LRP2: variants seen among roughly 807,000 people sequenced by gnomAD.
LRP2 encodes the protein LDL receptor related protein 2, also known as low-density lipoprotein receptor-related protein 2.
Under a neutral mutation model 531.0 loss-of-function variants are expected in LRP2, and 172 were observed. That is an observed-to-expected ratio of 0.32 (90% CI 0.29 to 0.37). The LOEUF (loss-of-function observed/expected upper bound fraction) is 0.37. Among genes scored for constraint, LRP2 ranks in the 10% least tolerant of loss-of-function variants. The pLI, the probability that LRP2 is intolerant of heterozygous loss-of-function variation, is 1.00. For missense variants in LRP2, 5,167 were observed against 5,868.3 expected, an observed-to-expected ratio of 0.88 and a Z score of 3.90; for synonymous variants, 1,992 against 2,027.6, an observed-to-expected ratio of 0.98 and a Z score of 0.47.
In LRP2 at chr2:169,289,042, G is replaced by A. The variant is rs1304209402; in HGVS notation, c.1026C>T (p.Asp342=). The part of the protein sequence containing the change: ...CPPGYIINHN[D]SRTCVEFDDC... The stretch of plus-strand genomic sequence containing the variant: ...ATCACTTACCAACACAGGTACGGCT[G>A]TCATTGTGGTTGATGATATAACCTG... Residue 342 remains aspartate, a synonymous_variant, in exon 9 of 79, where the codon GAC becomes GAT. Coordinates refer to ENST00000649046, the MANE Select transcript of LRP2 (RefSeq NM_004525.3). The A allele has an allele frequency of 1.9e-6, 3 of 1,614,052 alleles. No homozygotes were observed. The highest frequency in any genetic ancestry group is 2.5e-6 in the Non-Finnish European group (3 of 1,179,956).
chr2:169,345,878 C>G (rs985107482), intron 1 of LRP2, among the ~76,000 whole-genome samples: 1 of 151,616 alleles, frequency 6.6e-6, no homozygotes, highest in African/African-American at 2.4e-5. Context: ...CAAAACAAAA[C>G]AAAACAAAAG....
chr2:169,140,532 A>G lies in LRP2; in HGVS notation c.13122T>C (p.Pro4374=). 2.5e-6 allele frequency: 4 copies of G among 1,613,592 alleles called. No individual in the cohort carries two copies. Among genetic ancestry groups the G allele is most frequent in the Non-Finnish European group, 3.4e-6 (4 of 1,179,542 alleles). The change falls in exon 72 of 79, where the codon CCT becomes CCC. Residue 4374 remains proline, a synonymous_variant. Coordinates refer to ENST00000649046, the MANE Select transcript of LRP2 (RefSeq NM_004525.3). The part of the protein sequence containing the change: ...TTECDAAIEL[P]INLPPPCRCM... Reference sequence around the variant, plus strand: ...ACCTGCATGGGGGGGGCAGGTTGATAGGCAGTTCGATGGCTGCAGGAAGGG... The same window carrying G: ...ACCTGCATGGGGGGGGCAGGTTGATGGGCAGTTCGATGGCTGCAGGAAGGG...
At chr2:169,278,113 G>A (rs192504302) in intron 12 of LRP2, among the ~76,000 whole-genome samples, 162 bp from the exon 13 acceptor site, 28 of 150,964 alleles carry the variant, frequency 1.9e-4, no homozygotes, top group Admixed American at 1.4e-3. Flanking sequence ...TTTTTAAAGA[G>A]ACTGTGGGGG....
At position 169,182,337 on chromosome 2, in the gene LRP2, G is replaced by C. The variant is rs1261729832; in HGVS notation, c.9846-18C>G. The C allele has an allele frequency of 4.3e-6, 7 of 1,612,540 alleles. No homozygotes were observed. Among genetic ancestry groups the C allele is most frequent in the Non-Finnish European group, 5.9e-6 (7 of 1,179,834 alleles). ...AGAGCTTTCTAAAATGGAGAGCCAG[G>C]AGTTAACCAATACAGTCACTTTGTG... On this transcript the variant is annotated intron_variant, in intron 50 of 78. Coordinates refer to ENST00000649046, the MANE Select transcript of LRP2 (RefSeq NM_004525.3).
chr2:169,133,514 T>A (rs956750528), intron 76 of LRP2, among the ~76,000 whole-genome samples: 1 of 152,228 alleles, frequency 6.6e-6, no homozygotes, highest in East Asian at 1.9e-4. Context: ...ACATTTCCGA[T>A]CTTAAAATCA....
intron 16 of LRP2, among the ~76,000 whole-genome samples, chr2:169,263,477 CA>C (rs1280433935): frequency 9.3e-5 from 14 of 150,296 alleles, no homozygotes; most frequent in Non-Finnish European, 1.9e-4. Flanking sequence ...TTTATGCAGC[CA>C]AAAAACACAT....
chr2:169,137,412 T>A lies in LRP2; in HGVS notation c.13600A>T (p.Lys4534Ter). The stretch of plus-strand genomic sequence containing the variant: ...CTCACCTGGATTGGCTGAACCACTT[T>A]GACAGCACTGTCTCTGGCTGAGTAC... ...PMYSARDSAVKVVQPIQVTVS... is the reference protein window; with the variant it reads ...PMYSARDSAV The change falls in exon 76 of 79, where the codon AAA (lysine) becomes TAA (stop). Residue 4534 changes from lysine to a stop codon, truncating the protein, a stop_gained. Transcript: ENST00000649046. LOFTEE classifies it high-confidence loss of function. 6.2e-7 allele frequency: 1 copy of A among 1,613,858 alleles called. No individual in the cohort carries two copies. The highest frequency in any genetic ancestry group is 8.5e-7 in the Non-Finnish European group (1 of 1,179,716).
intron 16 of LRP2, among the ~76,000 whole-genome samples, chr2:169,267,100 G>A (rs886643373): frequency 1.8e-4 from 27 of 151,306 alleles, no homozygotes; most frequent in African/African-American, 6.3e-4. Context: ...ATGTTGCTCA[G>A]GCTGGTCTCA....
At chr2:169,192,475 A>C (rs1687864645) in intron 47 of LRP2, among the ~76,000 whole-genome samples, 2 of 152,164 alleles carry the variant, frequency 1.3e-5, no homozygotes, top group South Asian at 4.1e-4. Context: ...AAAGATGGTT[A>C]ACTGGATGTC....
chr2:169,147,330 A>G lies in LRP2; in HGVS notation c.12591-371T>C, dbSNP rs560954276. ...GGATCTATCAGAGAACAAAACATAC[A>G]AAGATTTCTATCTTCATGGAGCTAC... On this transcript the variant is annotated intron_variant, in intron 68 of 78. Transcript: ENST00000649046. 1.1e-4 allele frequency among the ~76,000 whole-genome samples: 16 copies of G among 152,316 alleles called. 1 individual carries two copies. The highest frequency in any genetic ancestry group is 1.0e-3 in the South Asian group (5 of 4,816).
intron 41 of LRP2, among the ~76,000 whole-genome samples, chr2:169,205,258 A>T (rs1688335824): frequency 6.6e-6 from 1 of 152,180 alleles, no homozygotes; most frequent in Non-Finnish European, 1.5e-5. Context: ...GCATCTTTAG[A>T]TGTCTTTTAG....
rs562809685 is a variant in LRP2 at position 169,303,430 on chromosome 2, C to T, written c.427+3851G>A. 5.9e-5 allele frequency among the ~76,000 whole-genome samples: 9 copies of T among 152,228 alleles called. No homozygotes were observed. In the South Asian group the frequency reaches 1.5e-3, roughly 25 times the overall value. The stretch of plus-strand genomic sequence containing the variant: ...CCTCATACCCACCTTGCAGCATTGA[C>T]GTGAAAAGTGGGTAAGGTGGTGGCT... On this transcript the variant is annotated intron_variant, in intron 4 of 78. Coordinates refer to ENST00000649046, the MANE Select transcript of LRP2 (RefSeq NM_004525.3).
At chr2:169,294,862 T>TG in intron 4 of LRP2, 152 bp from the exon 5 acceptor site, 1 of 632,812 alleles carries the variant, frequency 1.6e-6, no homozygotes, top group South Asian at 1.9e-5. Flanking sequence ...CCTGGCTTCA[T>TG]GGAGAGTAAG....
chr2:169,314,440 T>C (rs965099090), intron 3 of LRP2, among the ~76,000 whole-genome samples: 14 of 150,530 alleles, frequency 9.3e-5, no homozygotes, highest in Middle Eastern at 3.4e-3. Context: ...AAAAAAAATA[T>C]GTAAAAGATA....
At chr2:169,211,310 ACT>A (rs1219265754) in intron 37 of LRP2, among the ~76,000 whole-genome samples, 1 of 151,374 alleles carries the variant, frequency 6.6e-6, no homozygotes, top group African/African-American at 2.4e-5. Context: ...ATGTTAGAAA[ACT>A]CTTAGTTCCT....
At position 169,294,143 on chromosome 2, in the gene LRP2, C is replaced by T. The variant is rs1684075790; in HGVS notation, c.652+5G>A. 1.9e-6 allele frequency: 3 copies of T among 1,592,176 alleles called. No homozygotes were observed. Among genetic ancestry groups the T allele is most frequent in the African/African-American group, 2.7e-5 (2 of 74,350 alleles). On this transcript the variant is annotated splice_donor_5th_base_variant and intron_variant, in intron 6 of 78. Transcript: ENST00000649046. ...ACATGACCCAGCATAAAGAAATCACCGTACTGCAAGCATGTTCGTCACTGC... is the reference window on the plus strand; with the variant it reads ...ACATGACCCAGCATAAAGAAATCACTGTACTGCAAGCATGTTCGTCACTGC...
chr2:169,243,427 C>G lies in LRP2; in HGVS notation c.3526G>C (p.Asp1176His). The change falls in exon 23 of 79, where the codon GAT (aspartate) becomes CAT (histidine). Residue 1176 changes from aspartate (D) to histidine (H), a missense_variant. Physicochemically the swap from Asp to His is moderately conservative, Grantham distance 81. This residue lies in a region of LRP2 where 2,811 missense variants were observed against 3,058.0 expected (regional missense o/e 0.92). Coordinates refer to ENST00000649046, the MANE Select transcript of LRP2 (RefSeq NM_004525.3). ...CCACAACCAACCTCATCAGATCCAT[C>G]AACACAATCCTTGTCACCATCACAG... ...FVCDGDKDCV[D>H]GSDEVGCVLN... The G allele has an allele frequency of 6.2e-7, 1 of 1,614,124 alleles. No homozygotes were observed.
At chr2:169,162,690 A>G (rs1686634904) in intron 62 of LRP2, 90 bp from the exon 63 acceptor site, 4 of 1,349,366 alleles carry the variant, frequency 3.0e-6, no homozygotes, top group Admixed American at 1.8e-5. Context: ...GTGCTTACCA[A>G]ATAAACAAGT....
chr2:169,237,643 A>G (rs1689654441), intron 27 of LRP2, among the ~76,000 whole-genome samples: 1 of 152,226 alleles, frequency 6.6e-6, no homozygotes, highest in Admixed American at 6.5e-5. Flanking sequence ...TATCTCTATT[A>G]ATTAAGGACC....
Sources: gnomAD v4.1 joint callset for allele counts (sites outside exome capture counted in the v4.1 genomes callset) on GRCh38, gnomAD v4.1.1 for gene constraint, gnomAD v4.1.1 regional missense constraint, MANE v1.5 for transcripts, NCBI Gene and HGNC (gene_info 2026-07-23, HGNC 2026-07-21) for gene names.